Variants in SRGAP2C observed in about 807,000 individuals in gnomAD.
The protein encoded by SRGAP2C is SLIT-ROBO Rho GTPase-activating protein 2C.
In SRGAP2C, 15 loss-of-function variants were observed where a neutral mutation model predicts 25.1. That is an observed-to-expected ratio of 0.60 (90% CI 0.40 to 0.92). The LOEUF is 0.92. Among genes scored for constraint, SRGAP2C ranks in the 40% least tolerant of loss-of-function variants. The probability of loss-of-function intolerance (pLI) is 0.00; values close to 1 mark genes in which losing one functional copy is unlikely to be tolerated. For missense variants in SRGAP2C, 144 were observed against 264.4 expected (o/e 0.54, Z 3.16); for synonymous variants, 44 against 96.6 (o/e 0.46, Z 3.19).
chr1:121,329,690 C>T (rs1658392837), intron 4 of SRGAP2C, among the ~76,000 whole-genome samples: 2 of 147,534 alleles, frequency 1.4e-5, no homozygotes, highest in East Asian at 2.0e-4. Context: ...TGCTATTGAA[C>T]CCCCTTAAGG....
chr1:121,228,582 A>G (rs1395263796), intron 2 of SRGAP2C, among the ~76,000 whole-genome samples: 1 of 149,894 alleles, frequency 6.7e-6, no homozygotes, highest in Non-Finnish European at 1.5e-5. Flanking sequence ...ACTTCCACCT[A>G]TAGAGGTGGC....
At chr1:121,248,488 C>T (rs1192530441) in intron 2 of SRGAP2C, among the ~76,000 whole-genome samples, 2 of 138,914 alleles carry the variant, frequency 1.4e-5, no homozygotes, top group African/African-American at 5.4e-5. Flanking sequence ...GCTCTGTCGC[C>T]CAGGCTGGAG....
At chr1:121,266,369 C>G (rs1570749069) in intron 2 of SRGAP2C, among the ~76,000 whole-genome samples, 1 of 150,990 alleles carries the variant, frequency 6.6e-6, no homozygotes, top group East Asian at 1.9e-4. Flanking sequence ...AATGCTCATA[C>G]CATCTTGGCC....
chr1:121,350,566 A>G (rs1198070650), intron 4 of SRGAP2C, among the ~76,000 whole-genome samples: 3 of 152,110 alleles, frequency 2.0e-5, no homozygotes, highest in Admixed American at 6.5e-5. Context: ...AATTATAAAA[A>G]CAAACCTGGA....
chr1:121,314,648 A>C lies in SRGAP2C; in HGVS notation c.261-9830A>C, dbSNP rs1658052764. On this transcript the variant is annotated intron_variant, in intron 3 of 9. Coordinates refer to ENST00000367123, the MANE Select transcript of SRGAP2C (RefSeq NM_001329984.2). The stretch of plus-strand genomic sequence containing the variant: ...TTTGTTAGTTTTCCTTCTAACAGAC[A>C]GGACCCTCAGCTGCAGGTCTGTTGG... 1.3e-5 allele frequency among the ~76,000 whole-genome samples: 2 copies of C among 150,160 alleles called. 1 individual carries two copies. Among genetic ancestry groups the C allele is most frequent in the South Asian group, 4.2e-4 (2 of 4,738 alleles).
At chr1:121,238,773 A>G (rs1466555468) in intron 2 of SRGAP2C, among the ~76,000 whole-genome samples, 1 of 142,482 alleles carries the variant, frequency 7.0e-6, no homozygotes. Flanking sequence ...ACCACTACAC[A>G]CTGCTATTTT....
rs1355854342 is a variant in SRGAP2C, at chr1:121,303,341, T to C, written c.260+18346T>C. Among the ~76,000 whole-genome samples the C allele has an allele frequency of 3.3e-3, 447 of 137,240 alleles. 2 individuals are homozygous for C. Among genetic ancestry groups the C allele is most frequent in the African/African-American group, 0.011 (418 of 36,796 alleles). The allele number at this position is 137,240 out of a possible 152,430, so 90.0% of individuals were successfully genotyped here. ...ATTTTATTCAACAGGTTATAATCCT[T>C]TACCATCTTTATTTTAATGTTCATA... On this transcript the variant is annotated intron_variant, in intron 3 of 9. Transcript: ENST00000367123.
chr1:121,348,488 A>G (rs782071985), intron 4 of SRGAP2C, among the ~76,000 whole-genome samples: 21 of 151,946 alleles, frequency 1.4e-4, no homozygotes, highest in Non-Finnish European at 2.1e-4. Flanking sequence ...GCTTATTTTT[A>G]TAGTTCTGCT....
At chr1:121,267,889 TA>T (rs1171928126) in intron 2 of SRGAP2C, among the ~76,000 whole-genome samples, 5 of 151,654 alleles carry the variant, frequency 3.3e-5, no homozygotes, top group Admixed American at 1.3e-4. Context: ...CTTATTTTTT[TA>T]AAAAAGTAAA....
At chr1:121,286,782 C>T (rs1657378217) in intron 3 of SRGAP2C, among the ~76,000 whole-genome samples, 1 of 150,610 alleles carries the variant, frequency 6.6e-6, no homozygotes, top group African/African-American at 2.4e-5. Context: ...AAGCCTCAAA[C>T]AGGTTTCCAA....
intron 2 of SRGAP2C, among the ~76,000 whole-genome samples, chr1:121,248,671 C>T (rs1553330789): frequency 6.9e-6 from 1 of 144,440 alleles, no homozygotes; most frequent in African/African-American, 2.5e-5. Context: ...TGGTCTCGAT[C>T]TCCTGACCTC....
intron 4 of SRGAP2C, among the ~76,000 whole-genome samples, chr1:121,332,558 G>A (rs2101618385): frequency 6.6e-6 from 1 of 152,248 alleles, no homozygotes; most frequent in East Asian, 1.9e-4. Flanking sequence ...GGGTCTTGGA[G>A]ATGTTAAACA....
chr1:121,326,796 C>T (rs1658324788), intron 4 of SRGAP2C, among the ~76,000 whole-genome samples: 1 of 89,262 alleles, frequency 1.1e-5, no homozygotes, highest in South Asian at 3.2e-4. Flanking sequence ...AGGATAACAA[C>T]TGTCTTGACT....
At chr1:121,335,122 G>A (rs1381168090) in intron 4 of SRGAP2C, among the ~76,000 whole-genome samples, 10 of 148,742 alleles carry the variant, frequency 6.7e-5, no homozygotes, top group Admixed American at 1.3e-4. Context: ...GTGAAACCCC[G>A]TCTCTACTAA....
chr1:121,338,501 A>G (rs1443913433), intron 4 of SRGAP2C, among the ~76,000 whole-genome samples: 1 of 106,246 alleles, frequency 9.4e-6, no homozygotes, highest in African/African-American at 3.7e-5. Flanking sequence ...TAGTTTTTCT[A>G]CTAGATCCTA....
At chr1:121,234,979 C>CCTCACTTCCTTCACTCTCTCT in intron 2 of SRGAP2C, among the ~76,000 whole-genome samples, 2 of 151,192 alleles carry the variant, frequency 1.3e-5, no homozygotes, top group South Asian at 4.2e-4. Context: ...TTCCTCCCTC[C>CCTCACTTCCTTCACTCTCTCT]CTCACTTCCT....
intron 3 of SRGAP2C, among the ~76,000 whole-genome samples, chr1:121,294,063 A>G (rs1570766443): frequency 8.0e-6 from 1 of 124,926 alleles, no homozygotes; most frequent in South Asian, 2.9e-4. Context: ...TCTTTTGGAC[A>G]CCTCCTCCCC....
chr1:121,222,987 AG>A (rs1164034060), intron 2 of SRGAP2C, among the ~76,000 whole-genome samples: 22 of 151,912 alleles, frequency 1.4e-4, no homozygotes, highest in African/African-American at 5.3e-4. Flanking sequence ...CAGGGTTATC[AG>A]GTCCACAAAG....
intron 4 of SRGAP2C, among the ~76,000 whole-genome samples, chr1:121,329,950 T>C (rs1658398380): frequency 6.6e-6 from 1 of 151,242 alleles, no homozygotes; most frequent in Non-Finnish European, 1.5e-5. Flanking sequence ...AACCAGGGTT[T>C]GGGCAAATAT....
Sources: gnomAD v4.1 joint callset for allele counts (sites outside exome capture counted in the v4.1 genomes callset) on GRCh38, gnomAD v4.1.1 for gene constraint, MANE v1.5 for transcripts, NCBI Gene and HGNC (gene_info 2026-07-23, HGNC 2026-07-21) for gene names.